JPH1: variants seen among roughly 807,000 people sequenced by gnomAD.
JPH1 encodes junctophilin 1.
JPH1 carries 12 observed loss-of-function variants against 53.6 expected under a neutral mutation model. That is an observed-to-expected ratio of 0.22 (90% CI 0.14 to 0.36). The LOEUF (loss-of-function observed/expected upper bound fraction) is 0.36. JPH1 is among the 10% of genes least tolerant of loss of function. The pLI is 1.00. For missense variants in JPH1, 808 were observed against 905.5 expected (o/e 0.89, Z 1.38); for synonymous variants, 375 against 363.8 (o/e 1.03, Z -0.35).
intron 2 of JPH1, among the ~76,000 whole-genome samples, chr8:74,263,937 C>T (rs140422502): frequency 1.3e-5 from 2 of 152,162 alleles, no homozygotes; most frequent in East Asian, 3.8e-4. Context: ...GTCTGTTAAG[C>T]AAGGAATACT....
In JPH1 at chr8:74,245,143, C is replaced by A; in HGVS notation, c.1291G>T (p.Gly431Cys). The A allele has an allele frequency of 6.3e-7, 1 of 1,598,032 alleles. No individual in the cohort carries two copies. The highest frequency in any genetic ancestry group is 8.5e-7 in the Non-Finnish European group (1 of 1,176,494). The change falls in exon 4 of 6, where the codon GGT becomes TGT. Residue 431 changes from glycine (G) to cysteine (C), a missense_variant. Around this residue, in one of 2 missense-constraint regions of JPH1, gnomAD observed 756 missense variants for 811.9 expected, o/e 0.93. Coordinates refer to ENST00000342232, the MANE Select transcript of JPH1 (RefSeq NM_020647.4). ...PDYVKQRFQEGVDAKENPEEK... is the reference protein window; with the variant it reads ...PDYVKQRFQECVDAKENPEEK... ...TCTGGATTTTCTTTAGCATCTACAC[C>A]TTCCTGAAATCTCTGTTTGACGTAA...
At chr8:74,316,497 T>A (rs1808162984) in intron 1 of JPH1, among the ~76,000 whole-genome samples, 1 of 152,148 alleles carries the variant, frequency 6.6e-6, no homozygotes, top group Admixed American at 6.5e-5. Context: ...TGGTCTGTGT[T>A]TGTGGATGGA....
chr8:74,297,901 A>G (rs1183974345), intron 2 of JPH1, among the ~76,000 whole-genome samples: 1 of 50,468 alleles, frequency 2.0e-5, no homozygotes, highest in Non-Finnish European at 3.8e-5. Context: ...ATGAAATTAT[A>G]TAGAGAAATT....
intron 2 of JPH1, among the ~76,000 whole-genome samples, chr8:74,281,348 A>G (rs940346529): frequency 1.3e-5 from 2 of 152,190 alleles, no homozygotes; most frequent in Non-Finnish European, 2.9e-5. Flanking sequence ...TTACTTGGAC[A>G]TGTAAGTCTT....
At position 74,284,931 on chromosome 8, in the gene JPH1, T is replaced by C. The variant is rs796825629; in HGVS notation, c.1140-25428A>G. On this transcript the variant is annotated intron_variant, in intron 2 of 5. Coordinates refer to ENST00000342232, the MANE Select transcript of JPH1 (RefSeq NM_020647.4). ...CCTCTGCCTCACGGGTTCAAGTGAT[T>C]CTCCTGCCTCAGCCTCCTGAGTAGC... Among the ~76,000 whole-genome samples, 20 of 152,146 alleles carry C rather than the reference T, an allele frequency of 1.3e-4. No individual in the cohort carries two copies. The East Asian group carries it at 3.5e-3, about 26-fold the overall frequency.
At chr8:74,295,650 C>G (rs918432993) in intron 2 of JPH1, among the ~76,000 whole-genome samples, 1 of 152,144 alleles carries the variant, frequency 6.6e-6, no homozygotes, top group African/African-American at 2.4e-5. Context: ...AAATCTCCCC[C>G]CTCAGCTCAG....
At chr8:74,308,752 T>G (rs534472900) in intron 2 of JPH1, among the ~76,000 whole-genome samples, 1 of 152,264 alleles carries the variant, frequency 6.6e-6, no homozygotes, top group South Asian at 2.1e-4. Context: ...TGAGGAAAAC[T>G]TCCACTATGA....
At chr8:74,302,458 T>G (rs1301065204) in intron 2 of JPH1, among the ~76,000 whole-genome samples, 1 of 152,246 alleles carries the variant, frequency 6.6e-6, no homozygotes, top group Non-Finnish European at 1.5e-5. Context: ...CCTTTTGCAT[T>G]ATAAAATTTG....
intron 3 of JPH1, among the ~76,000 whole-genome samples, chr8:74,254,753 GACAA>G (rs1283834024): frequency 1.3e-5 from 2 of 152,006 alleles, no homozygotes; most frequent in South Asian, 4.1e-4. Context: ...ACCAATAACA[GACAA>G]ACAGAGAGCC....
At chr8:74,262,295 C>CT (rs995070610) in intron 2 of JPH1, among the ~76,000 whole-genome samples, 1 of 152,340 alleles carries the variant, frequency 6.6e-6, no homozygotes, top group African/African-American at 2.4e-5. Context: ...ATAATCTGGA[C>CT]TTGTCTCTGG....
At chr8:74,296,062 A>G (rs1807510298) in intron 2 of JPH1, among the ~76,000 whole-genome samples, 1 of 143,362 alleles carries the variant, frequency 7.0e-6, no homozygotes. Context: ...TTGGGCTAAT[A>G]GATGAACTAT....
At chr8:74,261,140 G>A (rs2977044) in intron 2 of JPH1, among the ~76,000 whole-genome samples, 43,303 of 151,944 alleles carry the variant, frequency 0.28, 6,260 homozygotes, top group South Asian at 0.43. Context: ...ATCTGGGGGA[G>A]TTTAATTATT....
At chr8:74,317,617 C>G (rs1187089792) in intron 1 of JPH1, among the ~76,000 whole-genome samples, 3 of 152,158 alleles carry the variant, frequency 2.0e-5, no homozygotes, top group African/African-American at 4.8e-5. Flanking sequence ...AATAAACCAC[C>G]TTATTTTTAA....
chr8:74,272,591 C>T lies in JPH1; in HGVS notation c.1140-13088G>A, dbSNP rs574308636. Among the ~76,000 whole-genome samples the T allele has an allele frequency of 8.7e-5, 13 of 149,882 alleles. No homozygotes were observed. In the South Asian group the frequency reaches 2.7e-3, roughly 32 times the overall value. On this transcript the variant is annotated intron_variant, in intron 2 of 5. Coordinates refer to ENST00000342232, the MANE Select transcript of JPH1 (RefSeq NM_020647.4). ...TTTGATCAGAGATGCCTCTGTTGGA[C>T]CCTTAGTTCTTTTTTTTTTTTTTTT...
chr8:74,258,300 T>C (rs76007290), intron 3 of JPH1, among the ~76,000 whole-genome samples: 2,991 of 152,342 alleles, frequency 0.02, 97 homozygotes, highest in African/African-American at 0.064. Flanking sequence ...CCTAGAAATC[T>C]GTTGATGCCT....
In JPH1 at chr8:74,246,933, T is replaced by A. The variant is rs1037974381; in HGVS notation, c.1259-1758A>T. Among the ~76,000 whole-genome samples the A allele has an allele frequency of 3.3e-5, 5 of 152,224 alleles. No individual in the cohort carries two copies. The South Asian group carries it at 1.0e-3, about 32-fold the overall frequency. ...AATTCTTAGGCCAGTGAAAGTTATTTTGAATGACAAAAAGCAGCAACTGCA... is the reference window on the plus strand; with the variant it reads ...AATTCTTAGGCCAGTGAAAGTTATTATGAATGACAAAAAGCAGCAACTGCA... On this transcript the variant is annotated intron_variant, in intron 3 of 5. Coordinates refer to ENST00000342232, the MANE Select transcript of JPH1 (RefSeq NM_020647.4).
intron 2 of JPH1, among the ~76,000 whole-genome samples, chr8:74,262,480 C>T (rs1402282522): frequency 1.3e-5 from 2 of 152,202 alleles, no homozygotes; most frequent in Admixed American, 6.5e-5. Flanking sequence ...TATTGCTGGT[C>T]ACAGGCAAAA....
intron 2 of JPH1, among the ~76,000 whole-genome samples, chr8:74,268,828 C>T (rs10113064): frequency 0.019 from 2,825 of 152,148 alleles, 102 homozygotes; most frequent in African/African-American, 0.065. Flanking sequence ...AAATACATGA[C>T]GAGAGCTAGG....
At chr8:74,307,249 T>C (rs1807865677) in intron 2 of JPH1, among the ~76,000 whole-genome samples, 1 of 152,236 alleles carries the variant, frequency 6.6e-6, no homozygotes, top group African/African-American at 2.4e-5. Context: ...ATGGTACTTC[T>C]AGGATTGCAA....
Sources: gnomAD v4.1 joint callset for allele counts (sites outside exome capture counted in the v4.1 genomes callset) on GRCh38, gnomAD v4.1.1 for gene constraint, gnomAD v4.1.1 regional missense constraint, MANE v1.5 for transcripts, NCBI Gene and HGNC (gene_info 2026-07-23, HGNC 2026-07-21) for gene names.